Variants in NEGR1 observed in about 807,000 individuals in gnomAD.
NEGR1 encodes the protein neuronal growth regulator 1, also known as IgLON family member 4.
Under a neutral mutation model 40.9 loss-of-function variants are expected in NEGR1, and 10 were observed. That is an observed-to-expected ratio of 0.24 (90% confidence interval 0.15 to 0.42). The LOEUF (loss-of-function observed/expected upper bound fraction) is 0.42, where lower values mean the gene tolerates loss of function less well. Ranked by LOEUF, NEGR1 falls within the 10% of genes least tolerant of loss-of-function variation. The pLI is 1.00. For synonymous variants in NEGR1, 185 were observed against 166.8 expected, an observed-to-expected ratio of 1.11 and a Z score of -0.84; for missense variants, 352 against 438.9, an observed-to-expected ratio of 0.80 and a Z score of 1.77.
intron 1 of NEGR1, among the ~76,000 whole-genome samples, chr1:71,982,494 T>C (rs566271482): frequency 6.6e-6 from 1 of 152,206 alleles, no homozygotes; most frequent in African/African-American, 2.4e-5. Flanking sequence ...GATGTAGCTA[T>C]TGATTTCAAA....
intron 1 of NEGR1, among the ~76,000 whole-genome samples, chr1:72,231,588 C>T (rs182096462): frequency 7.2e-4 from 109 of 152,180 alleles, no homozygotes; most frequent in Middle Eastern, 3.4e-3. Context: ...ATCTAACCCA[C>T]GTTGACATGT....
At chr1:71,491,082 T>C (rs1460584811) in intron 6 of NEGR1, among the ~76,000 whole-genome samples, 1 of 151,896 alleles carries the variant, frequency 6.6e-6, no homozygotes, top group Non-Finnish European at 1.5e-5. Context: ...GGGTTCTGAG[T>C]CTATAGAATT....
intron 4 of NEGR1, among the ~76,000 whole-genome samples, chr1:71,635,122 G>A (rs1383449765): frequency 2.0e-5 from 3 of 151,894 alleles, no homozygotes. Context: ...GATATCAAGG[G>A]GAACACAGGA....
intron 1 of NEGR1, among the ~76,000 whole-genome samples, chr1:72,118,602 A>T (rs1649671255): frequency 6.6e-6 from 1 of 151,814 alleles, no homozygotes; most frequent in South Asian, 2.1e-4. Context: ...TACATTGGTC[A>T]TTCTGCAATA....
chr1:71,615,763 T>A (rs1408403385), intron 4 of NEGR1, among the ~76,000 whole-genome samples: 1 of 152,138 alleles, frequency 6.6e-6, no homozygotes, highest in African/African-American at 2.4e-5. Context: ...AGTGACATGA[T>A]TTAGTTAAAA....
At chr1:72,111,983 A>T (rs1340889838) in intron 1 of NEGR1, among the ~76,000 whole-genome samples, 1 of 151,794 alleles carries the variant, frequency 6.6e-6, no homozygotes, top group Non-Finnish European at 1.5e-5. Flanking sequence ...ACGATCATTA[A>T]GTTCTTATAG....
At chr1:72,133,665 C>T (rs1214375579) in intron 1 of NEGR1, among the ~76,000 whole-genome samples, 1 of 151,316 alleles carries the variant, frequency 6.6e-6, no homozygotes, top group Non-Finnish European at 1.5e-5. Context: ...GAATATGAAA[C>T]AAATATTTTT....
rs562829715 is a variant in NEGR1, at chr1:72,035,764, C to A, written c.177-100453G>T. Among the ~76,000 whole-genome samples, 4 of 152,216 alleles carry A rather than the reference C, an allele frequency of 2.6e-5. No homozygotes were observed. The South Asian group carries it at 8.3e-4, about 32-fold the overall frequency. On this transcript the variant is annotated intron_variant, in intron 1 of 6. Coordinates refer to ENST00000357731, the MANE Select transcript of NEGR1 (RefSeq NM_173808.3). ...TCTTGTGCTTGGCAGCTTATTATTT[C>A]ATTAAATCTGCACAAAAACTCAATG...
chr1:71,786,571 G>A (rs934605153), intron 2 of NEGR1, among the ~76,000 whole-genome samples: 1 of 152,130 alleles, frequency 6.6e-6, no homozygotes, highest in Admixed American at 6.5e-5. Context: ...GTAATATACT[G>A]AGAGACTAAT....
intron 1 of NEGR1, among the ~76,000 whole-genome samples, chr1:72,183,814 G>C (rs1253350652): frequency 1.3e-5 from 2 of 152,040 alleles, no homozygotes; most frequent in Non-Finnish European, 2.9e-5. Flanking sequence ...TCTTCTGCTG[G>C]AGGAGCTATA....
chr1:71,489,313 A>T (rs1008100966), intron 6 of NEGR1, among the ~76,000 whole-genome samples: 2 of 151,846 alleles, frequency 1.3e-5, no homozygotes, highest in African/African-American at 4.8e-5. Flanking sequence ...AAACAGTTTC[A>T]GGCTGAGATT....
chr1:71,990,810 T>C (rs2100357574), intron 1 of NEGR1, among the ~76,000 whole-genome samples: 1 of 152,164 alleles, frequency 6.6e-6, no homozygotes, highest in South Asian at 2.1e-4. Flanking sequence ...CTTTTCACTC[T>C]GCATTTTCTT....
intron 1 of NEGR1, among the ~76,000 whole-genome samples, chr1:72,052,039 C>T (rs1647066715): frequency 6.6e-6 from 1 of 151,470 alleles, no homozygotes. Context: ...GGTGGCTTGA[C>T]TAACTTGGTG....
chr1:71,547,204 C>T (rs1391595947), intron 6 of NEGR1, among the ~76,000 whole-genome samples: 1 of 151,692 alleles, frequency 6.6e-6, no homozygotes, highest in African/African-American at 2.4e-5. Context: ...CCCTATTAAC[C>T]TCTTCTAAAT....
chr1:71,866,595 A>AT (rs1660121381), intron 2 of NEGR1, among the ~76,000 whole-genome samples: 1 of 152,118 alleles, frequency 6.6e-6, no homozygotes, highest in African/African-American at 2.4e-5. Flanking sequence ...TTCAGCAAAA[A>AT]TTTTTCCCAA....
At chr1:72,018,902 A>G (rs1646733813) in intron 1 of NEGR1, among the ~76,000 whole-genome samples, 1 of 152,212 alleles carries the variant, frequency 6.6e-6, no homozygotes, top group African/African-American at 2.4e-5. Flanking sequence ...CACCGGTTTC[A>G]AATACATCCC....
At chr1:72,015,135 T>C (rs554129041) in intron 1 of NEGR1, among the ~76,000 whole-genome samples, 59 of 152,136 alleles carry the variant, frequency 3.9e-4, no homozygotes, top group African/African-American at 1.4e-3. Flanking sequence ...AACTAGAAAA[T>C]ACAATTTTTA....
At chr1:72,063,632 C>G (rs1367041148) in intron 1 of NEGR1, among the ~76,000 whole-genome samples, 1 of 151,942 alleles carries the variant, frequency 6.6e-6, no homozygotes, top group African/African-American at 2.4e-5. Flanking sequence ...TTCCAGTACA[C>G]TGTGCATCTA....
intron 1 of NEGR1, among the ~76,000 whole-genome samples, chr1:71,971,329 ATGC>A (rs1646254980): frequency 6.6e-6 from 1 of 152,118 alleles, no homozygotes; most frequent in African/African-American, 2.4e-5. Context: ...TTTATGGTCC[ATGC>A]TTTGTTATGA....
Sources: gnomAD v4.1 joint callset for allele counts (sites outside exome capture counted in the v4.1 genomes callset) on GRCh38, gnomAD v4.1.1 for gene constraint, MANE v1.5 for transcripts, NCBI Gene and HGNC (gene_info 2026-07-23, HGNC 2026-07-21) for gene names.